PIK3AP1: variants seen among roughly 807,000 people sequenced by gnomAD.
The protein encoded by PIK3AP1 is phosphoinositide-3-kinase adaptor protein 1, also known as phosphoinositide 3-kinase adapter protein 1.
PIK3AP1 carries 21 observed loss-of-function variants against 88.1 expected under a neutral mutation model. The ratio of observed to expected loss-of-function variants is 0.24; its 90% confidence interval spans 0.17 to 0.34. PIK3AP1 has a LOEUF of 0.34. Ranked by LOEUF, PIK3AP1 falls within the 10% of genes least tolerant of loss-of-function variation. The pLI, the probability that PIK3AP1 is intolerant of heterozygous loss-of-function variation, is 1.00. For missense variants in PIK3AP1, 828 were observed against 1,035.7 expected, an observed-to-expected ratio of 0.80 and a Z score of 2.75; for synonymous variants, 398 against 400.0, an observed-to-expected ratio of 1.00 and a Z score of 0.06.
At chr10:96,708,183 G>C (rs1844388871) in intron 2 of PIK3AP1, among the ~76,000 whole-genome samples, 1 of 152,166 alleles carries the variant, frequency 6.6e-6, no homozygotes, top group Non-Finnish European at 1.5e-5. Context: ...TAATTTTCCA[G>C]GCTTCTTTGC....
At chr10:96,610,067 G>A (rs796406112) in intron 13 of PIK3AP1, among the ~76,000 whole-genome samples, 200 bp from the exon 14 acceptor site, 5 of 152,312 alleles carry the variant, frequency 3.3e-5, no homozygotes, top group African/African-American at 1.2e-4. Context: ...TGAATCCTGT[G>A]TGGCTGTCAC....
intron 2 of PIK3AP1, among the ~76,000 whole-genome samples, chr10:96,682,715 C>G (rs1451155318): frequency 6.6e-6 from 1 of 152,180 alleles, no homozygotes; most frequent in Non-Finnish European, 1.5e-5. Context: ...CCTCTGGTCT[C>G]TAATCAAAAC....
chr10:96,604,672 G>C (rs1233651081), intron 14 of PIK3AP1, among the ~76,000 whole-genome samples: 1 of 152,168 alleles, frequency 6.6e-6, no homozygotes, highest in Non-Finnish European at 1.5e-5. Context: ...TGAAGGACAA[G>C]ACAGCAAAGG....
In PIK3AP1 at chr10:96,652,819, A is replaced by G; in HGVS notation, c.591T>C (p.Ile197=). ...CCCTGTCATCCAGCTTACATCTCAC[A>G]ATAACATAGACAGTGGTTTCTGCCT... ...RCGAETTVYV[I]VRCKLDDRVA... The change falls in exon 4 of 17, where the codon ATT becomes ATC. Residue 197 remains isoleucine (I), a synonymous_variant. Transcript: ENST00000339364. 1 of 1,613,870 alleles carries G rather than the reference A, an allele frequency of 6.2e-7. No homozygotes were observed. Among genetic ancestry groups the G allele is most frequent in the Non-Finnish European group, 8.5e-7 (1 of 1,179,990 alleles).
At chr10:96,696,686 G>A (rs1307621579) in intron 2 of PIK3AP1, among the ~76,000 whole-genome samples, 1 of 152,124 alleles carries the variant, frequency 6.6e-6, no homozygotes, top group African/African-American at 2.4e-5. Context: ...AACAGTACAT[G>A]TAAAATGTTA....
chr10:96,596,481 CATA>C (rs978342205), intron 16 of PIK3AP1, among the ~76,000 whole-genome samples: 4 of 152,144 alleles, frequency 2.6e-5, no homozygotes, highest in African/African-American at 9.7e-5. Context: ...GCCATACCTA[CATA>C]ATAATAAAAC....
chr10:96,720,502 C>G lies in PIK3AP1; in HGVS notation c.-108G>C. On this transcript the variant is annotated 5_prime_UTR_variant, in exon 1 of 17. Coordinates refer to ENST00000339364, the MANE Select transcript of PIK3AP1 (RefSeq NM_152309.3). This position sits in a 1 kb window ranked among gnomAD's most constrained non-coding sequence, Gnocchi z 4.6. ...AGGGGCGCCGGGCTCCGCGCGGGAC[C>G]GGCCGCCGCTCTGGCGCTTCCTCCC... 2 of 1,034,206 alleles carry G rather than the reference C, an allele frequency of 1.9e-6. No homozygotes were observed. The highest frequency in any genetic ancestry group is 2.4e-6 in the Non-Finnish European group (2 of 821,910). 64.1% of individuals were successfully genotyped at this position (1,034,206 alleles called of 1,614,324 possible).
chr10:96,699,045 G>A lies in PIK3AP1; in HGVS notation c.430+10522C>T, dbSNP rs573570817. Among the ~76,000 whole-genome samples, 278 of 152,160 alleles carry A rather than the reference G, an allele frequency of 1.8e-3. 1 individual carries two copies. The highest frequency in any genetic ancestry group is 0.014 in the Middle Eastern group (4 of 294). On this transcript the variant is annotated intron_variant, in intron 2 of 16. Transcript: ENST00000339364. ...AAAAACCCCACAAAATTAGCCAGGCGTGGTGGCGCACACCTGTAATCCCAG... is the reference window on the plus strand; with the variant it reads ...AAAAACCCCACAAAATTAGCCAGGCATGGTGGCGCACACCTGTAATCCCAG...
chr10:96,594,115 T>G lies in PIK3AP1; in HGVS notation c.*1462A>C, dbSNP rs1848718368. 1 of 152,200 alleles carries G rather than the reference T, an allele frequency of 6.6e-6. No homozygotes were observed. The highest frequency in any genetic ancestry group is 2.4e-5 in the African/African-American group (1 of 41,448). The allele number at this position is 152,200 out of a possible 1,614,324, so 9.4% of individuals were successfully genotyped here. ...CCTCTGATTTGAAGGTAGATTTATG[T>G]GCCAGGGACTCCAAATTCATGACAT... On this transcript the variant is annotated 3_prime_UTR_variant, in exon 17 of 17. Coordinates refer to ENST00000339364, the MANE Select transcript of PIK3AP1 (RefSeq NM_152309.3). This position sits in a 1 kb window ranked among gnomAD's most constrained non-coding sequence, Gnocchi z 4.6.
intron 16 of PIK3AP1, among the ~76,000 whole-genome samples, chr10:96,596,692 T>C (rs184143124): frequency 1.3e-5 from 2 of 152,302 alleles, no homozygotes; most frequent in Admixed American, 1.3e-4. Flanking sequence ...TTCTGTATGG[T>C]TTTTGAACAG....
rs563784902 is a variant in PIK3AP1 at position 96,667,304 on chromosome 10, T to G, written c.431-10370A>C. 1.6e-4 allele frequency among the ~76,000 whole-genome samples: 25 copies of G among 152,356 alleles called. No individual in the cohort carries two copies. In the South Asian group the frequency reaches 5.0e-3, roughly 30 times the overall value. ...TGGAAAAGAATGACGTTTGCTGATC[T>G]TGGAGAATATTTTTCAGAGGACACA... On this transcript the variant is annotated intron_variant, in intron 2 of 16. Transcript: ENST00000339364.
At chr10:96,664,004 C>G (rs969419438) in intron 2 of PIK3AP1, among the ~76,000 whole-genome samples, 1 of 152,160 alleles carries the variant, frequency 6.6e-6, no homozygotes, top group Non-Finnish European at 1.5e-5. Flanking sequence ...GAGGGAAGTA[C>G]AAACTGCACA....
intron 2 of PIK3AP1, among the ~76,000 whole-genome samples, chr10:96,663,627 CAAAAAAAAAAAAAAAAA>C (rs373081849): frequency 4.7e-5 from 2 of 42,988 alleles, no homozygotes. Context: ...GAGACTCCGT[CAAAAAAAAAAAAAAAAA>C]AAAAAAAAAA....
intron 14 of PIK3AP1, among the ~76,000 whole-genome samples, chr10:96,606,506 C>G (rs374327518): frequency 2.0e-5 from 3 of 152,212 alleles, no homozygotes; most frequent in African/African-American, 7.2e-5. Flanking sequence ...AATCTTCAAC[C>G]CCAATGTTTG....
chr10:96,655,569 G>A (rs1843604016), intron 3 of PIK3AP1, among the ~76,000 whole-genome samples: 1 of 152,256 alleles, frequency 6.6e-6, no homozygotes, highest in South Asian at 2.1e-4. Context: ...GTTTGGCTAT[G>A]TCCCCACCCA....
chr10:96,658,112 T>A (rs1843640334), intron 2 of PIK3AP1, among the ~76,000 whole-genome samples: 1 of 150,632 alleles, frequency 6.6e-6, no homozygotes, highest in African/African-American at 2.4e-5. Context: ...AGAAGTTTCA[T>A]CAGTCTATTT....
In PIK3AP1 at chr10:96,689,933, C is replaced by T. The variant is rs556767479; in HGVS notation, c.430+19634G>A. 5.3e-5 allele frequency among the ~76,000 whole-genome samples: 8 copies of T among 152,300 alleles called. No individual in the cohort carries two copies. The East Asian group carries it at 1.5e-3, about 29-fold the overall frequency. ...CAGCAGCCACGTGCCCAGGATCCAG[C>T]CTCCAGCCTCCAGCCCTGCCTGACA... On this transcript the variant is annotated intron_variant, in intron 2 of 16. Coordinates refer to ENST00000339364, the MANE Select transcript of PIK3AP1 (RefSeq NM_152309.3).
At chr10:96,675,246 T>A (rs1252743036) in intron 2 of PIK3AP1, among the ~76,000 whole-genome samples, 2 of 44,282 alleles carry the variant, frequency 4.5e-5, no homozygotes, top group African/African-American at 8.6e-5. Flanking sequence ...GGAGGGAGGG[T>A]GGGAAAACCT....
chr10:96,664,191 A>G (rs1439709173), intron 2 of PIK3AP1, among the ~76,000 whole-genome samples: 2 of 152,374 alleles, frequency 1.3e-5, no homozygotes, highest in Non-Finnish European at 2.9e-5. Flanking sequence ...AAAACAACCT[A>G]AAAGACTATT....
Sources: allele counts gnomAD v4.1 joint callset (sites outside exome capture counted in the v4.1 genomes callset), GRCh38; gene constraint gnomAD v4.1.1; non-coding constraint Gnocchi (gnomAD v3.1); transcripts MANE v1.5; gene names NCBI Gene and HGNC (gene_info 2026-07-23, HGNC 2026-07-21).